The following SNAP91 variants were observed in gnomAD, a reference collection of about 807,000 sequenced individuals.
The protein encoded by SNAP91 is synaptosome associated protein 91, also known as clathrin coat assembly protein AP180.
SNAP91 carries 27 observed loss-of-function variants against 100.3 expected under a neutral mutation model. The observed-to-expected ratio is 0.27, with a 90% CI of 0.20 to 0.37. SNAP91 has a LOEUF of 0.37. Ranked by LOEUF, SNAP91 falls within the 10% of genes least tolerant of loss-of-function variation. SNAP91 has a pLI of 1.00. For synonymous variants in SNAP91, 404 were observed against 398.6 expected (o/e 1.01, Z -0.16); for missense variants, 986 against 1,123.7 (o/e 0.88, Z 1.75).
In SNAP91 at chr6:83,593,603, G is replaced by A. The variant is rs2128206339; in HGVS notation, c.1571C>T (p.Ser524Phe). The A allele has an allele frequency of 6.3e-7, 1 of 1,589,228 alleles. No individual in the cohort carries two copies. The highest frequency in any genetic ancestry group is 8.6e-7 in the Non-Finnish European group (1 of 1,167,916). The change falls in exon 18 of 30, where the codon TCT becomes TTT. Residue 524 changes from serine (S) to phenylalanine (F), a missense_variant. Ser to Phe is a radical substitution (Grantham distance 155). Around this residue, in one of 4 missense-constraint regions of SNAP91, gnomAD observed 575 missense variants for 579.9 expected, o/e 0.99. Transcript: ENST00000369694. The stretch of plus-strand genomic sequence containing the variant: ...AGCAGCTGCAACGGCAGGAGCAGGA[G>A]AAGGAGCAGTTGCGGGAACTGGAGG... ...TAPPVPATAP[S>F]PAPAVAAAAA...
intron 8 of SNAP91, among the ~76,000 whole-genome samples, chr6:83,625,316 G>A (rs2096890376): frequency 6.6e-6 from 1 of 152,060 alleles, no homozygotes; most frequent in Non-Finnish European, 1.5e-5. Context: ...TTGATTCCAT[G>A]TCTTTGCTAT....
In SNAP91 at chr6:83,607,717, G is replaced by C; in HGVS notation, c.1004C>G (p.Ser335Cys). 6.3e-7 allele frequency: 1 copy of C among 1,582,840 alleles called. No homozygotes were observed. Among genetic ancestry groups the C allele is most frequent in the Non-Finnish European group, 8.6e-7 (1 of 1,163,254 alleles). The change falls in exon 13 of 30, where the codon TCT becomes TGT. Residue 335 changes from serine to cysteine, a missense_variant. Ser to Cys is a moderately radical substitution (Grantham distance 112). This residue lies in a region of SNAP91 where 330 missense variants were observed against 447.5 expected (regional missense o/e 0.74). Coordinates refer to ENST00000369694, the MANE Select transcript of SNAP91 (RefSeq NM_001242792.2). ...SPPVDLFATA[S>C]AAVPVSTSKP... ...TACCAACCTGACTGGGACAGCCGCA[G>C]ATGCAGTTGCAAATAAATCAACCGG...
At chr6:83,562,583 A>G (rs1172087122) in intron 26 of SNAP91, among the ~76,000 whole-genome samples, 1 of 152,156 alleles carries the variant, frequency 6.6e-6, no homozygotes, top group Non-Finnish European at 1.5e-5. Flanking sequence ...TCATCTAGAT[A>G]TCTGCTTCAT....
intron 24 of SNAP91, among the ~76,000 whole-genome samples, chr6:83,576,856 A>G (rs1211604626): frequency 2.6e-5 from 4 of 152,222 alleles, no homozygotes; most frequent in Non-Finnish European, 5.9e-5. Flanking sequence ...TTATTACTTC[A>G]GAAAATATTT....
intron 1 of SNAP91, chr6:83,708,638 A>C (rs975723291): frequency 6.6e-6 from 1 of 151,476 alleles, no homozygotes. Context: ...AGCTCTGCGG[A>C]GGCGCCGGAG....
intron 2 of SNAP91, among the ~76,000 whole-genome samples, chr6:83,688,364 A>G (rs2128966818): frequency 6.6e-6 from 1 of 152,260 alleles, no homozygotes; most frequent in African/African-American, 2.4e-5. Flanking sequence ...ATAAAATAAA[A>G]CTTAGGGCTG....
intron 11 of SNAP91, among the ~76,000 whole-genome samples, chr6:83,612,081 G>C (rs2128318073): frequency 6.6e-6 from 1 of 151,880 alleles, no homozygotes; most frequent in Non-Finnish European, 1.5e-5. Context: ...TTTCCTGTTT[G>C]AATTTAATTT....
At position 83,559,735 on chromosome 6, in the gene SNAP91, T is replaced by C. The variant is rs530599395; in HGVS notation, c.2631+369A>G. ...TAGTGTCACGAGTCTTGGGTGGACA[T>C]GGCAGTCTGGAGGACTGTGCTGCCA... On this transcript the variant is annotated intron_variant, in intron 28 of 29. Transcript: ENST00000369694. Among the ~76,000 whole-genome samples the C allele has an allele frequency of 2.1e-4, 32 of 152,298 alleles. 1 individual carries two copies. Among genetic ancestry groups the C allele is most frequent in the Admixed American group, 1.8e-3 (28 of 15,300 alleles).
chr6:83,668,682 G>A (rs2098730957), intron 2 of SNAP91, among the ~76,000 whole-genome samples: 1 of 152,098 alleles, frequency 6.6e-6, no homozygotes, highest in African/African-American at 2.4e-5. Flanking sequence ...GCCTGTTGTG[G>A]TGTAGGGGAA....
At position 83,553,586 on chromosome 6, in the gene SNAP91, A is replaced by G. The variant is rs1243636000; in HGVS notation, c.*710T>C. 1.3e-5 allele frequency: 2 copies of G among 152,068 alleles called. No homozygotes were observed. Among genetic ancestry groups the G allele is most frequent in the African/African-American group, 4.8e-5 (2 of 41,434 alleles). The allele number at this position is 152,068 out of a possible 1,614,324, so 9.4% of individuals were successfully genotyped here. ...GATGCAAAACCTGTCAAATATAATTAAAATATATATATTTTAATATAGCAG... is the reference window on the plus strand; with the variant it reads ...GATGCAAAACCTGTCAAATATAATTGAAATATATATATTTTAATATAGCAG... On this transcript the variant is annotated 3_prime_UTR_variant, in exon 30 of 30. Coordinates refer to ENST00000369694, the MANE Select transcript of SNAP91 (RefSeq NM_001242792.2).
At chr6:83,598,748 G>C (rs888942536) in intron 16 of SNAP91, among the ~76,000 whole-genome samples, 1 of 152,026 alleles carries the variant, frequency 6.6e-6, no homozygotes, top group African/African-American at 2.4e-5. Context: ...AGAGATTTTA[G>C]CTTAGGTTTT....
chr6:83,581,989 T>C (rs1201999535), intron 23 of SNAP91, among the ~76,000 whole-genome samples: 6 of 152,212 alleles, frequency 3.9e-5, no homozygotes, highest in Admixed American at 6.5e-5. Flanking sequence ...GTTAGATTTC[T>C]GCTAAAAATA....
rs1404360773 is a variant in SNAP91, at chr6:83,606,754, A to T, written c.1022+945T>A. ...TGAAGAAAGGATTCTGCTGCTTTTT[A>T]AAAAAAGTTTCAAAACCACTGAAAC... is the stretch of plus-strand genomic sequence containing the variant. On this transcript the variant is annotated intron_variant, in intron 13 of 29. Transcript: ENST00000369694. Among the ~76,000 whole-genome samples, 8 of 152,294 alleles carry T rather than the reference A, an allele frequency of 5.3e-5. No homozygotes were observed. In the East Asian group the frequency reaches 1.3e-3, roughly 26 times the overall value.
chr6:83,635,141 T>A (rs923845556), intron 8 of SNAP91, among the ~76,000 whole-genome samples: 1 of 152,176 alleles, frequency 6.6e-6, no homozygotes, highest in Non-Finnish European at 1.5e-5. Context: ...AGTCTGTAGA[T>A]GTCTATTAGG....
rs1816277066 is a variant in SNAP91 at position 83,575,205 on chromosome 6, A to C, written c.2331-84T>G. On this transcript the variant is annotated intron_variant, in intron 25 of 29. Transcript: ENST00000369694. ...GGTGTGTGGCTCCTTAGATTATTTT[A>C]TTTGGGTTTAAAAGCAGTTTATTTA... 1.5e-5 allele frequency: 14 copies of C among 959,752 alleles called. No homozygotes were observed. In the South Asian group the frequency reaches 1.9e-4, roughly 13 times the overall value. 59.5% of individuals were successfully genotyped at this position (959,752 alleles called of 1,614,324 possible).
At chr6:83,611,762 T>C (rs545110067) in intron 11 of SNAP91, among the ~76,000 whole-genome samples, 168 of 151,078 alleles carry the variant, frequency 1.1e-3, no homozygotes, top group Non-Finnish European at 1.8e-3. Context: ...AGTGGCGCAA[T>C]CTCAGCTCAC....
intron 7 of SNAP91, among the ~76,000 whole-genome samples, chr6:83,649,510 T>C (rs2098104247): frequency 6.6e-6 from 1 of 152,226 alleles, no homozygotes; most frequent in African/African-American, 2.4e-5. Context: ...AGCTTCATTC[T>C]ATTCATTAGA....
chr6:83,614,724 A>G (rs760574072), intron 11 of SNAP91, 133 bp downstream of exon 11: 1 of 608,610 alleles, frequency 1.6e-6, no homozygotes, highest in Non-Finnish European at 2.7e-6. Flanking sequence ...AAGCATAATG[A>G]AAAAACACAG....
intron 5 of SNAP91, among the ~76,000 whole-genome samples, chr6:83,660,515 T>C (rs903818457): frequency 6.6e-6 from 1 of 151,798 alleles, no homozygotes; most frequent in Non-Finnish European, 1.5e-5. Context: ...GGAACAGATA[T>C]AAGATATGCA....
Sources: gnomAD v4.1 joint callset for allele counts (sites outside exome capture counted in the v4.1 genomes callset) on GRCh38, gnomAD v4.1.1 for gene constraint, gnomAD v4.1.1 regional missense constraint, MANE v1.5 for transcripts, NCBI Gene and HGNC (gene_info 2026-07-23, HGNC 2026-07-21) for gene names.